COL11A2: variants seen among roughly 807,000 people sequenced by gnomAD.
COL11A2 encodes the protein collagen alpha-2(XI) chain.
Under a neutral mutation model 273.4 loss-of-function variants are expected in COL11A2, and 116 were observed. The observed-to-expected ratio is 0.42, with a 90% CI of 0.36 to 0.49. COL11A2 has a LOEUF of 0.49. Among genes scored for constraint, COL11A2 ranks in the 20% least tolerant of loss-of-function variants. The probability of loss-of-function intolerance (pLI) is 0.00; values close to 1 mark genes in which losing one functional copy is unlikely to be tolerated. For missense variants in COL11A2, 1,866 were observed against 2,309.0 expected (o/e 0.81, Z 3.93); for synonymous variants, 782 against 864.2 (o/e 0.90, Z 1.67).
Position 33,177,291 on chromosome 6 carries a change from C to G in COL11A2, c.1972-66G>C, listed in dbSNP as rs1771059921. 6.2e-7 allele frequency: 1 copy of G among 1,608,302 alleles called. No individual in the cohort carries two copies. The highest frequency in any genetic ancestry group is 8.5e-7 in the Non-Finnish European group (1 of 1,176,214). ...TCTCTTCTATCCAGCCTCCCGGATT[C>G]AAAGCATGAGCAACAAGGGCCTGAA... On this transcript the variant is annotated intron_variant, in intron 23 of 65. Transcript: ENST00000341947. The surrounding 1 kb of genome is among the most constrained non-coding windows in gnomAD (Gnocchi z 5.9).
At chr6:33,172,457 T>C in intron 39 of COL11A2, 73 bp downstream of exon 39, 1 of 1,565,180 alleles carries the variant, frequency 6.4e-7, no homozygotes, top group East Asian at 2.3e-5. Flanking sequence ...CCCTCAAATC[T>C]CCAACTACCT....
chr6:33,166,165 A>G lies in COL11A2; in HGVS notation c.4428+6T>C, dbSNP rs1769104419. On this transcript the variant is annotated splice_donor_region_variant and intron_variant, in intron 61 of 65. Transcript: ENST00000341947. The surrounding 1 kb of genome is among the most constrained non-coding windows in gnomAD (Gnocchi z 4.8). ...GCAAAGGTCAGAGCTGAAGGGGGTC[A>G]CTCACTGTGGCTCCTTTGGCTCCTT... 1 of 1,608,202 alleles carries G rather than the reference A, an allele frequency of 6.2e-7. No homozygotes were observed. Among genetic ancestry groups the G allele is most frequent in the Admixed American group, 1.7e-5 (1 of 58,718 alleles).
In COL11A2 at chr6:33,165,672, T is replaced by A. The variant is rs1554212055; in HGVS notation, c.4627A>T (p.Ile1543Phe). Residue 1543 changes from isoleucine to phenylalanine, a missense_variant, in exon 63 of 66, where the codon ATC becomes TTC. Physicochemically the swap from Ile to Phe is conservative, Grantham distance 21. Transcript: ENST00000341947. This position sits in a 1 kb window ranked among gnomAD's most constrained non-coding sequence, Gnocchi z 7.7. ...APGSPGGLEE[I>F]FGSLDSLREE... ...CGCAGGGAGTCGAGTGAGCCAAAGA[T>A]CTCCTCCAGCCCCCCAGGACTGCCG... 6.2e-7 allele frequency: 1 copy of A among 1,611,396 alleles called. No homozygotes were observed. Among genetic ancestry groups the A allele is most frequent in the South Asian group, 1.1e-5 (1 of 91,036 alleles).
chr6:33,167,695 C>G lies in COL11A2; in HGVS notation c.4014+104G>C. The G allele has an allele frequency of 3.3e-6, 5 of 1,514,856 alleles. No individual in the cohort carries two copies. Among genetic ancestry groups the G allele is most frequent in the Non-Finnish European group, 4.5e-6 (5 of 1,100,554 alleles). The allele number at this position is 1,514,856 out of a possible 1,614,324, so 93.8% of individuals were successfully genotyped here. A position where few individuals can be genotyped will look rare whatever the true frequency, so the allele number is the denominator to read the frequency against. ...AGGGAACGCCTGTCCCCATAAGGGCCCAACATGGGAGAGGTGGAGATGGGG... is the reference window on the plus strand; with the variant it reads ...AGGGAACGCCTGTCCCCATAAGGGCGCAACATGGGAGAGGTGGAGATGGGG... On this transcript the variant is annotated intron_variant, in intron 55 of 65. Coordinates refer to ENST00000341947, the MANE Select transcript of COL11A2 (RefSeq NM_080680.3). This position sits in a 1 kb window ranked among gnomAD's most constrained non-coding sequence, Gnocchi z 6.1.
Position 33,176,076 on chromosome 6 carries a change from AAGAT to A in COL11A2, c.2215-11_2215-8del, listed in dbSNP as rs1471110012. On this transcript the variant is annotated splice_polypyrimidine_tract_variant and splice_region_variant and intron_variant, in intron 28 of 65. Transcript: ENST00000341947. The surrounding 1 kb of genome is among the most constrained non-coding windows in gnomAD (Gnocchi z 4.9). ...CAGGAAAGCCATCCTCACCCTGAGAAAGATAGAGGTGAGAGGGCACCACAGATGA... is the reference window on the plus strand; with the variant it reads ...CAGGAAAGCCATCCTCACCCTGAGAAAGAGGTGAGAGGGCACCACAGATGA... The A allele has an allele frequency of 6.2e-7, 1 of 1,612,904 alleles. No homozygotes were observed. The highest frequency in any genetic ancestry group is 8.5e-7 in the Non-Finnish European group (1 of 1,180,026).
At chr6:33,180,839 C>T (rs568642190) in intron 10 of COL11A2, 109 bp from the exon 11 acceptor site, 11 of 1,554,582 alleles carry the variant, frequency 7.1e-6, no homozygotes, top group East Asian at 2.2e-5. Flanking sequence ...ATCTGGGAAG[C>T]GTTGATTGGA....
At position 33,167,748 on chromosome 6, in the gene COL11A2, G is replaced by A; in HGVS notation, c.4014+51C>T. On this transcript the variant is annotated intron_variant, in intron 55 of 65. Coordinates refer to ENST00000341947, the MANE Select transcript of COL11A2 (RefSeq NM_080680.3). The surrounding 1 kb of genome is among the most constrained non-coding windows in gnomAD (Gnocchi z 6.1). ...GGCATCTGGAGACGGAGGCATCTGA[G>A]GGGTGGGAGGCGGAGGGGATGCTCC... is the stretch of plus-strand genomic sequence containing the variant. 1 of 1,607,286 alleles carries A rather than the reference G, an allele frequency of 6.2e-7. No homozygotes were observed. Among genetic ancestry groups the A allele is most frequent in the Non-Finnish European group, 8.5e-7 (1 of 1,175,936 alleles).
rs1407115336 is a variant in COL11A2 at position 33,192,393 on chromosome 6, G to A, written c.-153C>T. 5.3e-6 allele frequency: 4 copies of A among 753,128 alleles called. No individual in the cohort carries two copies. The highest frequency in any genetic ancestry group is 1.5e-5 in the South Asian group (1 of 65,148). 46.7% of individuals were successfully genotyped at this position (753,128 alleles called of 1,614,324 possible). On this transcript the variant is annotated 5_prime_UTR_variant, in exon 1 of 66. Coordinates refer to ENST00000341947, the MANE Select transcript of COL11A2 (RefSeq NM_080680.3). ...GCTGCGGGCAGCGACAGCTGTCAGCGGCCCAGCTCCATGCAGCAAGGCGCC... is the reference window on the plus strand; with the variant it reads ...GCTGCGGGCAGCGACAGCTGTCAGCAGCCCAGCTCCATGCAGCAAGGCGCC...
Position 33,163,641 on chromosome 6 carries a change from C to T in COL11A2, c.*37G>A. On this transcript the variant is annotated 3_prime_UTR_variant, in exon 66 of 66. Coordinates refer to ENST00000341947, the MANE Select transcript of COL11A2 (RefSeq NM_080680.3). The surrounding 1 kb of genome is among the most constrained non-coding windows in gnomAD (Gnocchi z 4.1). ...CTGATGTTGTGGGATTCCAGGTGGG[C>T]CTGGTTCCGAATGGACAGGATCAGA... 1 of 1,613,002 alleles carries T rather than the reference C, an allele frequency of 6.2e-7. No individual in the cohort carries two copies. The highest frequency in any genetic ancestry group is 8.5e-7 in the Non-Finnish European group (1 of 1,179,994).
rs1295410446 is a variant in COL11A2 at position 33,176,052 on chromosome 6, A to T, written c.2232T>A (p.Pro744=). 1 of 1,612,958 alleles carries T rather than the reference A, an allele frequency of 6.2e-7. No individual in the cohort carries two copies. Among genetic ancestry groups the T allele is most frequent in the Non-Finnish European group, 8.5e-7 (1 of 1,180,036 alleles). The part of the protein sequence containing the change: ...HKGEKGEDGF[P]GFKGDIGVKG... ...TCACGCCTATGTCACCTTTGAACCC[A>T]GGAAAGCCATCCTCACCCTGAGAAA... Residue 744 remains proline, a synonymous_variant, in exon 29 of 66, where the codon CCT becomes CCA. Transcript: ENST00000341947. This position sits in a 1 kb window ranked among gnomAD's most constrained non-coding sequence, Gnocchi z 4.9.
Position 33,163,730 on chromosome 6 carries a change from G to A in COL11A2, c.5159C>T (p.Ala1720Val). 6.2e-7 allele frequency: 1 copy of A among 1,613,106 alleles called. No homozygotes were observed. Reference sequence around the variant, plus strand: ...CAGCACCCCTCCCCGCCTCGGTGGGGCTCCCAGGTCTGAGAAGGAGGCATC... The same window carrying A: ...CAGCACCCCTCCCCGCCTCGGTGGGACTCCCAGGTCTGAGAAGGAGGCATC... ...VLDASFSDLG[A>V]PPRRGGVLLG... The change falls in exon 66 of 66, where the codon GCC becomes GTC. Residue 1720 changes from alanine (A) to valine (V), a missense_variant. Physicochemically the swap from Ala to Val is moderately conservative, Grantham distance 64. Transcript: ENST00000341947. The surrounding 1 kb of genome is among the most constrained non-coding windows in gnomAD (Gnocchi z 4.1).
chr6:33,169,374 CA>C lies in COL11A2; in HGVS notation c.3798+8del. On this transcript the variant is annotated splice_region_variant and intron_variant, in intron 51 of 65. Transcript: ENST00000341947. The surrounding 1 kb of genome is among the most constrained non-coding windows in gnomAD (Gnocchi z 5.5). ...TGAGAGGACTCAGCCCCCACTGCCC[CA>C]AACTCACAGGGTTCCCTTTGGGGCC... 6.2e-7 allele frequency: 1 copy of C among 1,611,854 alleles called. No individual in the cohort carries two copies. Among genetic ancestry groups the C allele is most frequent in the South Asian group, 1.1e-5 (1 of 91,034 alleles).
Position 33,169,138 on chromosome 6 carries a change from G to A in COL11A2, c.3799-130C>T. On this transcript the variant is annotated intron_variant, in intron 51 of 65. Coordinates refer to ENST00000341947, the MANE Select transcript of COL11A2 (RefSeq NM_080680.3). The surrounding 1 kb of genome is among the most constrained non-coding windows in gnomAD (Gnocchi z 5.5). ...AGTACCCCCCAGGAAGAGGTCTCCT[G>A]CACCCCTTTCCCTACCACGTGCACT... 2 of 902,100 alleles carry A rather than the reference G, an allele frequency of 2.2e-6. No homozygotes were observed. The highest frequency in any genetic ancestry group is 1.7e-6 in the Non-Finnish European group (1 of 585,328). The allele number at this position is 902,100 out of a possible 1,614,324, so 55.9% of individuals were successfully genotyped here. A position where few individuals can be genotyped will look rare whatever the true frequency, so the allele number is the denominator to read the frequency against.
intron 4 of COL11A2, 143 bp downstream of exon 4, chr6:33,188,219 G>T: frequency 1.9e-6 from 2 of 1,031,894 alleles, no homozygotes; most frequent in Non-Finnish European, 3.0e-6. Flanking sequence ...CAGTAGCCCT[G>T]AAGATAGAAA....
rs1769247167 is a variant in COL11A2, at chr6:33,167,010, A to G, written c.4230+60T>C. On this transcript the variant is annotated intron_variant, in intron 58 of 65. Coordinates refer to ENST00000341947, the MANE Select transcript of COL11A2 (RefSeq NM_080680.3). The surrounding 1 kb of genome is among the most constrained non-coding windows in gnomAD (Gnocchi z 6.1). Reference sequence around the variant, plus strand: ...AGAGCAGTGGGCACTTGGGTCCCACAGGTTTCAGGGGCGAGGGTGATGGGA... The same window carrying G: ...AGAGCAGTGGGCACTTGGGTCCCACGGGTTTCAGGGGCGAGGGTGATGGGA... 2 of 1,607,880 alleles carry G rather than the reference A, an allele frequency of 1.2e-6. No homozygotes were observed. The highest frequency in any genetic ancestry group is 1.7e-6 in the Non-Finnish European group (2 of 1,176,392).
chr6:33,176,768 G>T lies in COL11A2; in HGVS notation c.2071-3C>A, dbSNP rs1770965376. On this transcript the variant is annotated splice_polypyrimidine_tract_variant and splice_region_variant and intron_variant, in intron 25 of 65. Transcript: ENST00000341947. This position sits in a 1 kb window ranked among gnomAD's most constrained non-coding sequence, Gnocchi z 4.9. ...GGACCTTCCTTCCCTGGGTGACCCT[G>T]GGAGTAAGGGATAGAAAATGTGACC... 1 of 1,612,454 alleles carries T rather than the reference G, an allele frequency of 6.2e-7. No homozygotes were observed. Among genetic ancestry groups the T allele is most frequent in the African/African-American group, 1.3e-5 (1 of 74,848 alleles).
rs1769291264 is a variant in COL11A2 at position 33,167,284 on chromosome 6, C to G, written c.4156G>C (p.Ala1386Pro). ...QQGRPGATGQ[A>P]GPPGPVGPPG... is the part of the protein sequence containing the mutation. ...CTCACCACAGGACCTGGGGGCCCAGCCTGGCCTGTAGCTCCAGGTCGGCCT... is the reference window on the plus strand; with the variant it reads ...CTCACCACAGGACCTGGGGGCCCAGGCTGGCCTGTAGCTCCAGGTCGGCCT... The change falls in exon 57 of 66, where the codon GCT (alanine) becomes CCT (proline). Residue 1386 changes from alanine (A) to proline (P), a missense_variant. Physicochemically the swap from Ala to Pro is conservative, Grantham distance 27 (BLOSUM62 -1). Coordinates refer to ENST00000341947, the MANE Select transcript of COL11A2 (RefSeq NM_080680.3). This position sits in a 1 kb window ranked among gnomAD's most constrained non-coding sequence, Gnocchi z 6.1. 6.2e-7 allele frequency: 1 copy of G among 1,614,028 alleles called. No individual in the cohort carries two copies. The highest frequency in any genetic ancestry group is 1.7e-5 in the Admixed American group (1 of 60,026).
rs1562367737 is a variant in COL11A2 at position 33,181,183 on chromosome 6, C to T, written c.1120-13G>A. On this transcript the variant is annotated splice_polypyrimidine_tract_variant and intron_variant, in intron 8 of 65. Coordinates refer to ENST00000341947, the MANE Select transcript of COL11A2 (RefSeq NM_080680.3). ...GTCCATGGGCAGCCTGAAGGAGACA[C>T]ACATGTAGCCCCCAGTGGGGCCCGT... 6.2e-7 allele frequency: 1 copy of T among 1,614,042 alleles called. No individual in the cohort carries two copies. The highest frequency in any genetic ancestry group is 8.5e-7 in the Non-Finnish European group (1 of 1,180,008).
chr6:33,188,860 G>A, intron 3 of COL11A2, 118 bp downstream of exon 3: 1 of 1,167,592 alleles, frequency 8.6e-7, no homozygotes, highest in South Asian at 1.2e-5. Context: ...TTGGGCAGTG[G>A]GTAGGTGTGG....
Sources: allele counts gnomAD v4.1 joint callset, GRCh38; gene constraint gnomAD v4.1.1; non-coding constraint Gnocchi (gnomAD v3.1); transcripts MANE v1.5; gene names NCBI Gene and HGNC (gene_info 2026-07-23, HGNC 2026-07-21).